The following PPARGC1A variants were observed in gnomAD, a reference collection of about 807,000 sequenced individuals.
PPARGC1A encodes peroxisome proliferator-activated receptor gamma coactivator 1-alpha.
In PPARGC1A, 25 loss-of-function variants were observed where a neutral mutation model predicts 88.7. That is an observed-to-expected ratio of 0.28 (90% CI 0.21 to 0.39). The LOEUF is 0.39. PPARGC1A is among the 10% of genes least tolerant of loss of function. PPARGC1A has a pLI of 1.00. For missense variants in PPARGC1A, 880 were observed against 968.7 expected, an observed-to-expected ratio of 0.91 and a Z score of 1.22; for synonymous variants, 363 against 355.6, an observed-to-expected ratio of 1.02 and a Z score of -0.24.
At chr4:23,841,508 C>T (rs1214092253) in intron 2 of PPARGC1A, among the ~76,000 whole-genome samples, 1 of 151,662 alleles carries the variant, frequency 6.6e-6, no homozygotes, top group East Asian at 1.9e-4. Context: ...AACACACTCA[C>T]GTGTGTTAAC....
upstream of PPARGC1A, among the ~76,000 whole-genome samples, chr4:23,901,136 G>A (rs577071533): frequency 1.3e-5 from 2 of 152,226 alleles, no homozygotes; most frequent in African/African-American, 4.8e-5. Context: ...GGGAGGCCAA[G>A]GTGGGTGGAT....
At chr4:24,002,573 C>A in the PPARGC1A span, among the ~76,000 whole-genome samples, 5 of 149,336 alleles carry the variant, frequency 3.3e-5, no homozygotes, top group Admixed American at 3.3e-4. Context: ...ATAATCCCAG[C>A]GTTAATTATG....
At chr4:24,329,756 C>G in the PPARGC1A span, among the ~76,000 whole-genome samples, 3 of 152,204 alleles carry the variant, frequency 2.0e-5, no homozygotes, top group Admixed American at 6.5e-5. Flanking sequence ...ATACACCTAG[C>G]ACTTAGTGCA....
the PPARGC1A span, among the ~76,000 whole-genome samples, chr4:24,203,726 G>A: frequency 6.6e-6 from 1 of 152,250 alleles, no homozygotes; most frequent in Non-Finnish European, 1.5e-5. Flanking sequence ...GTGAACATCT[G>A]ATGCATAATG....
intron 2 of PPARGC1A, chr4:23,883,274 A>G (rs1716289449): frequency 6.6e-6 from 1 of 152,166 alleles, no homozygotes; most frequent in Admixed American, 6.6e-5. Context: ...AACCCACTTA[A>G]TCTCCAGAGG....
chr4:24,202,767 G>A, the PPARGC1A span, among the ~76,000 whole-genome samples: 2 of 152,196 alleles, frequency 1.3e-5, no homozygotes, highest in African/African-American at 4.8e-5. Context: ...TCTTGCCACT[G>A]TCTCTCTCAA....
the PPARGC1A span, among the ~76,000 whole-genome samples, chr4:24,245,578 G>C: frequency 7.9e-5 from 12 of 152,126 alleles, no homozygotes; most frequent in Non-Finnish European, 1.6e-4. Context: ...GTTAATTTGA[G>C]GCACATTTGC....
At chr4:24,417,184 A>G in the PPARGC1A span, among the ~76,000 whole-genome samples, 1 of 152,184 alleles carries the variant, frequency 6.6e-6, no homozygotes, top group Non-Finnish European at 1.5e-5. Flanking sequence ...GAGGAAACAG[A>G]ATGTAAAGTT....
At chr4:23,810,464 C>T (rs1475698283) in intron 10 of PPARGC1A, among the ~76,000 whole-genome samples, 1 of 152,134 alleles carries the variant, frequency 6.6e-6, no homozygotes, top group Non-Finnish European at 1.5e-5. Context: ...GCTGGTGACC[C>T]TCAGGGTGAT....
chr4:24,014,149 C>T, the PPARGC1A span, among the ~76,000 whole-genome samples: 1 of 152,122 alleles, frequency 6.6e-6, no homozygotes, highest in Non-Finnish European at 1.5e-5. Context: ...GAAAAGAGAA[C>T]TTCTCCCTGT....
At chr4:24,426,741 G>A in the PPARGC1A span, among the ~76,000 whole-genome samples, 3 of 152,132 alleles carry the variant, frequency 2.0e-5, no homozygotes, top group South Asian at 2.1e-4. Context: ...TCTGGCTTGC[G>A]TGCATGGATT....
At position 23,863,603 on chromosome 4, in the gene PPARGC1A, T is replaced by C. The variant is rs1237231997; in HGVS notation, c.234+21149A>G. On this transcript the variant is annotated intron_variant, in intron 2 of 12. Transcript: ENST00000264867. The stretch of plus-strand genomic sequence containing the variant: ...ATTGTCTCTATCCTGTTCAGTTTTT[T>C]ATTCCAACATCTAGCATAAATCCGT... Among the ~76,000 whole-genome samples, 10 of 152,356 alleles carry C rather than the reference T, an allele frequency of 6.6e-5. 1 individual carries two copies. The East Asian group carries it at 1.9e-3, about 29-fold the overall frequency.
the PPARGC1A span, among the ~76,000 whole-genome samples, chr4:23,975,682 T>A: frequency 7.9e-5 from 12 of 152,184 alleles, no homozygotes; most frequent in Non-Finnish European, 1.6e-4. Flanking sequence ...CCTCCCATAG[T>A]GCTGGAATTA....
chr4:24,465,801 C>A, the PPARGC1A span, among the ~76,000 whole-genome samples: 2 of 152,050 alleles, frequency 1.3e-5, no homozygotes, highest in Admixed American at 1.3e-4. Context: ...AAATGTTAGG[C>A]GCATGATTCA....
At chr4:24,101,612 A>G in the PPARGC1A span, among the ~76,000 whole-genome samples, 8 of 152,214 alleles carry the variant, frequency 5.3e-5, no homozygotes, top group Non-Finnish European at 8.8e-5. Flanking sequence ...TAAGGTATCC[A>G]TTTTTTAAGA....
At chr4:23,835,254 C>T (rs77077670) in intron 2 of PPARGC1A, among the ~76,000 whole-genome samples, 157 of 152,238 alleles carry the variant, frequency 1.0e-3, no homozygotes, top group Middle Eastern at 3.4e-3. Flanking sequence ...CAAGTTAAAA[C>T]GACAAAGAAC....
chr4:23,908,902 C>T (rs1720396502), upstream of PPARGC1A, among the ~76,000 whole-genome samples: 2 of 152,146 alleles, frequency 1.3e-5, no homozygotes, highest in Admixed American at 6.5e-5. Flanking sequence ...AAACCTCAAT[C>T]AGAATTCACT....
At chr4:23,844,155 T>C in intron 2 of PPARGC1A, among the ~76,000 whole-genome samples, 1 of 150,062 alleles carries the variant, frequency 6.7e-6, no homozygotes, top group East Asian at 1.9e-4. Flanking sequence ...ATCGGGAGAA[T>C]ACAGTATACA....
the PPARGC1A span, among the ~76,000 whole-genome samples, chr4:24,306,112 T>C: frequency 6.6e-6 from 1 of 152,096 alleles, no homozygotes; most frequent in South Asian, 2.1e-4. Flanking sequence ...AGGAGCAGAT[T>C]CCGGATGCAC....
Sources: allele counts gnomAD v4.1 joint callset (sites outside exome capture counted in the v4.1 genomes callset), GRCh38; gene constraint gnomAD v4.1.1; transcripts MANE v1.5; gene names NCBI Gene and HGNC (gene_info 2026-07-23, HGNC 2026-07-21).